The following ABTB2 variants were observed in gnomAD, a reference collection of about 807,000 sequenced individuals.
ABTB2 encodes ankyrin repeat and BTB domain containing 2.
Under a neutral mutation model 104.1 loss-of-function variants are expected in ABTB2, and 56 were observed. The ratio of observed to expected loss-of-function variants is 0.54; its 90% confidence interval spans 0.43 to 0.67. The LOEUF (loss-of-function observed/expected upper bound fraction) is 0.67, where lower values mean the gene tolerates loss of function less well. Among genes scored for constraint, ABTB2 ranks in the 30% least tolerant of loss-of-function variants. The probability of loss-of-function intolerance (pLI) is 0.00; values close to 1 mark genes in which losing one functional copy is unlikely to be tolerated. For missense variants in ABTB2, 1,279 were observed against 1,407.7 expected (o/e 0.91, Z 1.46); for synonymous variants, 606 against 608.2 (o/e 1.00, Z 0.05).
chr11:34,357,732 C>A lies in ABTB2; in HGVS notation c.-149G>T, dbSNP rs1855485550. 2 of 884,970 alleles carry A rather than the reference C, an allele frequency of 2.3e-6. No homozygotes were observed. The highest frequency in any genetic ancestry group is 3.2e-6 in the Non-Finnish European group (2 of 633,478). 54.8% of individuals were successfully genotyped at this position (884,970 alleles called of 1,614,324 possible). A position where few individuals can be genotyped will look rare whatever the true frequency, so the allele number is the denominator to read the frequency against. On this transcript the variant is annotated 5_prime_UTR_variant, in exon 1 of 17. Coordinates refer to ENST00000435224, the MANE Select transcript of ABTB2 (RefSeq NM_145804.3). ...GGGCTCGGCGGCCGCATTGCCTGCC[C>A]GGAGGCCGCGGGAAGGTGGCCGAGA...
intron 1 of ABTB2, among the ~76,000 whole-genome samples, chr11:34,348,434 A>G (rs1855359533): frequency 6.6e-6 from 1 of 152,180 alleles, no homozygotes; most frequent in Admixed American, 6.5e-5. Flanking sequence ...CCTTCCACCC[A>G]AACAGGAGAA....
intron 7 of ABTB2, among the ~76,000 whole-genome samples, 195 bp from the exon 8 acceptor site, chr11:34,165,551 A>G (rs1209035212): frequency 6.6e-6 from 1 of 152,242 alleles, no homozygotes; most frequent in African/African-American, 2.4e-5. Flanking sequence ...TAGAATCTTC[A>G]ACTCCATTAT....
intron 1 of ABTB2, among the ~76,000 whole-genome samples, chr11:34,275,375 C>T (rs886401742): frequency 6.6e-6 from 1 of 152,170 alleles, no homozygotes; most frequent in African/African-American, 2.4e-5. Flanking sequence ...GAAAAACATC[C>T]AGCCCTGCTG....
At position 34,151,570 on chromosome 11, in the gene ABTB2, C is replaced by A. The variant is rs1365062277; in HGVS notation, c.*817G>T. 1 of 152,352 alleles carries A rather than the reference C, an allele frequency of 6.6e-6. No individual in the cohort carries two copies. The highest frequency in any genetic ancestry group is 1.5e-5 in the Non-Finnish European group (1 of 68,146). 9.4% of individuals were successfully genotyped at this position (152,352 alleles called of 1,614,324 possible). On this transcript the variant is annotated 3_prime_UTR_variant, in exon 17 of 17. Transcript: ENST00000435224. ...TAGGCCTGAGGTTCCAGAATCCACC[C>A]ATTTACTTTGGCCCCTAAAACCAGC... is the stretch of plus-strand genomic sequence containing the variant.
intron 1 of ABTB2, among the ~76,000 whole-genome samples, chr11:34,232,817 A>C (rs1168003239): frequency 6.6e-6 from 1 of 151,704 alleles, no homozygotes; most frequent in Non-Finnish European, 1.5e-5. Flanking sequence ...CATAATAATA[A>C]ATAAAATTAG....
chr11:34,329,210 A>C (rs1855102863), intron 1 of ABTB2, among the ~76,000 whole-genome samples: 1 of 152,222 alleles, frequency 6.6e-6, no homozygotes, highest in Admixed American at 6.5e-5. Context: ...TATAACAAAT[A>C]ATTGCTCTAA....
intron 1 of ABTB2, among the ~76,000 whole-genome samples, chr11:34,327,227 A>C (rs1855079864): frequency 1.3e-5 from 2 of 152,278 alleles, no homozygotes; most frequent in Admixed American, 1.3e-4. Context: ...AACATTACGC[A>C]AACGTATCAA....
intron 1 of ABTB2, among the ~76,000 whole-genome samples, chr11:34,268,024 G>T (rs142049149): frequency 6.6e-6 from 1 of 152,094 alleles, no homozygotes; most frequent in Non-Finnish European, 1.5e-5. Flanking sequence ...TCTGCTTCCC[G>T]GGCTGAAGTG....
At chr11:34,206,962 G>T (rs965665328) in intron 1 of ABTB2, among the ~76,000 whole-genome samples, 1 of 152,200 alleles carries the variant, frequency 6.6e-6, no homozygotes, top group African/African-American at 2.4e-5. Flanking sequence ...TTCAAGCTTT[G>T]TTTCTGTTGG....
At chr11:34,287,666 C>A (rs1289493974) in intron 1 of ABTB2, among the ~76,000 whole-genome samples, 2 of 152,220 alleles carry the variant, frequency 1.3e-5, no homozygotes, top group Non-Finnish European at 2.9e-5. Context: ...AGACAGTTTT[C>A]TGCACAACAT....
chr11:34,161,719 T>C (rs948766453), intron 10 of ABTB2, among the ~76,000 whole-genome samples: 1 of 152,210 alleles, frequency 6.6e-6, no homozygotes, highest in Admixed American at 6.5e-5. Flanking sequence ...TGTGGGAAGT[T>C]CATGACATAA....
chr11:34,317,358 G>A (rs759350925), intron 1 of ABTB2, among the ~76,000 whole-genome samples: 2 of 152,052 alleles, frequency 1.3e-5, no homozygotes, highest in Non-Finnish European at 2.9e-5. Context: ...GGGAGTTGGG[G>A]GTTTGTCTCC....
chr11:34,179,080 CA>C (rs111676312), intron 3 of ABTB2, among the ~76,000 whole-genome samples: 2,087 of 98,674 alleles, frequency 0.021, 12 homozygotes, highest in East Asian at 0.051. Context: ...AACTCCAACT[CA>C]AAAAAAAAAA....
chr11:34,261,249 G>A (rs1854184215), intron 1 of ABTB2, among the ~76,000 whole-genome samples: 1 of 152,104 alleles, frequency 6.6e-6, no homozygotes. Flanking sequence ...ATAAAAAACA[G>A]AAATGCTGCT....
chr11:34,342,239 C>G (rs538064825), intron 1 of ABTB2, among the ~76,000 whole-genome samples: 3 of 152,208 alleles, frequency 2.0e-5, no homozygotes, highest in Non-Finnish European at 4.4e-5. Flanking sequence ...TCTTTAAACA[C>G]GCAGAGAAAC....
intron 1 of ABTB2, among the ~76,000 whole-genome samples, chr11:34,223,895 A>T (rs1247733872): frequency 6.6e-6 from 1 of 152,194 alleles, no homozygotes; most frequent in Non-Finnish European, 1.5e-5. Flanking sequence ...TACACCCTGT[A>T]AACCCAGCTC....
rs544986044 is a variant in ABTB2 at position 34,202,785 on chromosome 11, G to A, written c.1030+1759C>T. Among the ~76,000 whole-genome samples the A allele has an allele frequency of 4.6e-5, 7 of 152,272 alleles. No homozygotes were observed. The South Asian group carries it at 1.5e-3, about 32-fold the overall frequency. ...AATCTGGAGGCGGAGGTTGCAGTGA[G>A]CCAAGTTTGTACCACCACACTCCAG... On this transcript the variant is annotated intron_variant, in intron 2 of 16. Transcript: ENST00000435224.
chr11:34,337,894 C>A (rs562369472), intron 1 of ABTB2, among the ~76,000 whole-genome samples: 151 of 152,306 alleles, frequency 9.9e-4, no homozygotes, highest in Admixed American at 3.4e-3. Flanking sequence ...ATCACCCTAA[C>A]CATGATCTCC....
At position 34,161,086 on chromosome 11, in the gene ABTB2, T is replaced by G. The variant is rs772332320; in HGVS notation, c.2219-5A>C. ...TGTGCAGCTTCCAGGGGACTCCTGG[T>G]CCAGGCAGGGAAGGGCAGGCAGTCA... On this transcript the variant is annotated splice_region_variant and splice_polypyrimidine_tract_variant and intron_variant, in intron 10 of 16. Coordinates refer to ENST00000435224, the MANE Select transcript of ABTB2 (RefSeq NM_145804.3). The G allele has an allele frequency of 1.2e-6, 2 of 1,601,262 alleles. No individual in the cohort carries two copies. The highest frequency in any genetic ancestry group is 2.2e-5 in the South Asian group (2 of 89,814).
Sources: allele counts gnomAD v4.1 joint callset (sites outside exome capture counted in the v4.1 genomes callset), GRCh38; gene constraint gnomAD v4.1.1; transcripts MANE v1.5; gene names NCBI Gene and HGNC (gene_info 2026-07-23, HGNC 2026-07-21).